Variants in LRRC4C observed in about 807,000 individuals in gnomAD.
The protein encoded by LRRC4C is leucine-rich repeat-containing protein 4C.
A neutral mutation model predicts 33.6 loss-of-function variants in LRRC4C; 5 were observed. The observed-to-expected ratio is 0.15, with a 90% CI of 0.08 to 0.31. The LOEUF is 0.31. Among genes scored for constraint, LRRC4C ranks in the 10% least tolerant of loss-of-function variants. The pLI is 1.00. For missense variants in LRRC4C, 560 were observed against 796.7 expected (o/e 0.70, Z 3.58); for synonymous variants, 329 against 302.0 (o/e 1.09, Z -0.93).
At position 40,553,727 on chromosome 11, in the gene LRRC4C, A is replaced by G. The variant is rs114102914; in HGVS notation, c.-270+94415T>C. On this transcript the variant is annotated intron_variant, in intron 3 of 6. Transcript: ENST00000528697. ...CTTGACTGCTTGTATACCTTCTTGTATATATTCTTTTAAGTATCCGTTTAT... is the reference window on the plus strand; with the variant it reads ...CTTGACTGCTTGTATACCTTCTTGTGTATATTCTTTTAAGTATCCGTTTAT... Among the ~76,000 whole-genome samples, 274 of 152,216 alleles carry G rather than the reference A, an allele frequency of 1.8e-3. 2 individuals are homozygous for G. The highest frequency in any genetic ancestry group is 6.5e-3 in the African/African-American group (270 of 41,558).
chr11:40,710,266 G>T (rs1172228455), intron 2 of LRRC4C, among the ~76,000 whole-genome samples: 1 of 152,060 alleles, frequency 6.6e-6, no homozygotes, highest in Non-Finnish European at 1.5e-5. Context: ...GGAGGAGATG[G>T]GACTCTCTGG....
Position 40,205,526 on chromosome 11 carries a change from A to T in LRRC4C, c.-96+35993T>A, listed in dbSNP as rs568089032. On this transcript the variant is annotated intron_variant, in intron 5 of 6. Transcript: ENST00000528697. The stretch of plus-strand genomic sequence containing the variant: ...CAGTCATGACCTTGAAAACTCGATG[A>T]TGTTCATAACATTAGTTTTATTTTA... Among the ~76,000 whole-genome samples the T allele has an allele frequency of 2.6e-5, 4 of 152,194 alleles. No individual in the cohort carries two copies. In the South Asian group the frequency reaches 8.3e-4, roughly 32 times the overall value.
intron 2 of LRRC4C, among the ~76,000 whole-genome samples, chr11:40,910,538 A>G (rs1056695968): frequency 6.6e-6 from 1 of 152,190 alleles, no homozygotes; most frequent in African/African-American, 2.4e-5. Flanking sequence ...AGTAAGCCAT[A>G]TTCATTAAAA....
chr11:40,698,385 T>G (rs1443872044), intron 2 of LRRC4C, among the ~76,000 whole-genome samples: 1 of 152,190 alleles, frequency 6.6e-6, no homozygotes, highest in Admixed American at 6.5e-5. Flanking sequence ...TTCTTCTCTA[T>G]ACTAGCAATC....
chr11:40,244,107 CTGTT>C, intron 4 of LRRC4C, among the ~76,000 whole-genome samples: 1 of 152,214 alleles, frequency 6.6e-6, no homozygotes, highest in African/African-American at 2.4e-5. Flanking sequence ...AGTTTATAGT[CTGTT>C]TAAGTAGTGG....
rs529400062 is a variant in LRRC4C, at chr11:40,796,331, C to T, written c.-407+137304G>A. Among the ~76,000 whole-genome samples the T allele has an allele frequency of 5.3e-5, 8 of 152,122 alleles. No individual in the cohort carries two copies. The South Asian group carries it at 6.2e-4, about 12-fold the overall frequency. ...TTTTGTTTAGTTACATGTCAAAGTT[C>T]GTGGTGCAGGGTAAACTCTGAAGTT... On this transcript the variant is annotated intron_variant, in intron 2 of 6. Transcript: ENST00000528697.
intron 2 of LRRC4C, among the ~76,000 whole-genome samples, chr11:40,905,236 G>A (rs954922719): frequency 6.6e-6 from 1 of 151,928 alleles, no homozygotes; most frequent in Non-Finnish European, 1.5e-5. Flanking sequence ...ATTTCAACCA[G>A]GAAAAACATG....
chr11:40,597,687 A>G (rs1238185383), intron 3 of LRRC4C, among the ~76,000 whole-genome samples: 2 of 152,176 alleles, frequency 1.3e-5, no homozygotes, highest in East Asian at 3.9e-4. Context: ...GACTGATACT[A>G]CAAAGAGGGA....
At chr11:40,661,911 G>T (rs1054529514) in intron 2 of LRRC4C, among the ~76,000 whole-genome samples, 5 of 152,114 alleles carry the variant, frequency 3.3e-5, no homozygotes, top group Admixed American at 6.5e-5. Flanking sequence ...CATCCGCAGA[G>T]AGAAGTAAAG....
At chr11:41,397,638 C>T (rs1953870543) in intron 1 of LRRC4C, among the ~76,000 whole-genome samples, 1 of 149,456 alleles carries the variant, frequency 6.7e-6, no homozygotes, top group South Asian at 2.1e-4. Flanking sequence ...CCTTTACCCC[C>T]AGGTTGTTCA....
intron 1 of LRRC4C, among the ~76,000 whole-genome samples, chr11:41,327,273 G>A (rs768981905): frequency 1.1e-4 from 17 of 152,090 alleles, no homozygotes; most frequent in Admixed American, 3.3e-4. Flanking sequence ...GTGTGTCGCC[G>A]TCTGTCAGAG....
chr11:40,589,438 C>T (rs951541891), intron 3 of LRRC4C, among the ~76,000 whole-genome samples: 3 of 152,130 alleles, frequency 2.0e-5, no homozygotes, highest in African/African-American at 7.2e-5. Flanking sequence ...TCCAATTTGG[C>T]AGTCTGTGTC....
At chr11:41,132,362 A>C (rs1415665915) in intron 1 of LRRC4C, among the ~76,000 whole-genome samples, 3 of 152,184 alleles carry the variant, frequency 2.0e-5, no homozygotes, top group Admixed American at 2.0e-4. Flanking sequence ...GTATATTTAA[A>C]ATGAAAACTT....
At chr11:40,921,188 G>A (rs1957160120) in intron 2 of LRRC4C, among the ~76,000 whole-genome samples, 1 of 152,116 alleles carries the variant, frequency 6.6e-6, no homozygotes. Context: ...CTCCCAAAGT[G>A]CTGGGATTAC....
intron 3 of LRRC4C, among the ~76,000 whole-genome samples, chr11:40,393,785 T>A (rs1294997640): frequency 1.3e-5 from 2 of 152,288 alleles, no homozygotes; most frequent in Middle Eastern, 3.4e-3. Context: ...ACATCAGGGC[T>A]ATGCCTTTTG....
At chr11:40,175,654 G>A (rs1860417098) in intron 5 of LRRC4C, among the ~76,000 whole-genome samples, 1 of 152,118 alleles carries the variant, frequency 6.6e-6, no homozygotes, top group Non-Finnish European at 1.5e-5. Flanking sequence ...GCAAAGGCTG[G>A]CTTGTCCTTG....
chr11:40,267,815 A>T (rs990402962), intron 4 of LRRC4C, among the ~76,000 whole-genome samples: 2 of 152,198 alleles, frequency 1.3e-5, no homozygotes, highest in Admixed American at 1.3e-4. Context: ...AGACTGGGAA[A>T]TACAGAATGA....
At chr11:40,621,118 T>G (rs1962411716) in intron 3 of LRRC4C, among the ~76,000 whole-genome samples, 1 of 151,730 alleles carries the variant, frequency 6.6e-6, no homozygotes, top group Non-Finnish European at 1.5e-5. Context: ...CTATTATAAA[T>G]CAAAACATCC....
chr11:40,922,427 G>T (rs1017073261), intron 2 of LRRC4C, among the ~76,000 whole-genome samples: 3 of 152,168 alleles, frequency 2.0e-5, no homozygotes, highest in Non-Finnish European at 4.4e-5. Flanking sequence ...GACGTTTATT[G>T]TAGAGGAAAA....
Sources: allele counts gnomAD v4.1 joint callset (sites outside exome capture counted in the v4.1 genomes callset), GRCh38; gene constraint gnomAD v4.1.1; transcripts MANE v1.5; gene names NCBI Gene and HGNC (gene_info 2026-07-23, HGNC 2026-07-21).